ULK4: variants seen among roughly 807,000 people sequenced by gnomAD.
ULK4 encodes the protein unc-51 like kinase 4, also known as inactive serine/threonine-protein kinase ULK4.
A neutral mutation model predicts 160.6 loss-of-function variants in ULK4; 133 were observed. The observed-to-expected ratio is 0.83, with a 90% CI of 0.72 to 0.96. The LOEUF is 0.96. Among genes scored for constraint, ULK4 ranks in the 40% least tolerant of loss-of-function variants. ULK4 has a pLI of 0.00. For missense variants in ULK4, 1,580 were observed against 1,499.5 expected (o/e 1.05, Z -0.89); for synonymous variants, 534 against 539.8 (o/e 0.99, Z 0.15).
At chr3:41,691,031 A>G (rs2036278827) in intron 27 of ULK4, among the ~76,000 whole-genome samples, 1 of 151,738 alleles carries the variant, frequency 6.6e-6, no homozygotes, top group Non-Finnish European at 1.5e-5. Flanking sequence ...CAGTCTCCCT[A>G]GATAGAAACA....
chr3:41,722,145 A>G (rs931507849), intron 22 of ULK4, among the ~76,000 whole-genome samples: 5 of 152,138 alleles, frequency 3.3e-5, no homozygotes, highest in Non-Finnish European at 7.3e-5. Context: ...AATTCTCAGG[A>G]AACGGTAGCT....
chr3:41,605,524 T>C (rs1337588105), intron 31 of ULK4, among the ~76,000 whole-genome samples: 2 of 152,004 alleles, frequency 1.3e-5, no homozygotes, highest in Non-Finnish European at 2.9e-5. Flanking sequence ...CATCTCATAA[T>C]GATAAAGAGG....
chr3:41,375,205 T>G (rs1425793630), intron 35 of ULK4, among the ~76,000 whole-genome samples: 1 of 152,216 alleles, frequency 6.6e-6, no homozygotes, highest in Non-Finnish European at 1.5e-5. Flanking sequence ...ACAGCCATAC[T>G]GCCCAAAGTA....
chr3:41,937,035 C>T (rs761097724), intron 3 of ULK4: 8 of 321,290 alleles, frequency 2.5e-5, no homozygotes, highest in Non-Finnish European at 4.6e-5. Flanking sequence ...TATTAATACA[C>T]ACACATACTA....
rs149124544 is a variant in ULK4 at position 41,663,478 on chromosome 3, T to TA, written c.3071+128dup. 4,950 of 828,928 alleles carry TA rather than the reference T, an allele frequency of 6.0e-3. 156 individuals carry two copies. In the East Asian group the frequency reaches 0.075, roughly 13 times the overall value. The allele number at this position is 828,928 out of a possible 1,614,324, so 51.3% of individuals were successfully genotyped here. A position where few individuals can be genotyped will look rare whatever the true frequency, so the allele number is the denominator to read the frequency against. On this transcript the variant is annotated intron_variant, in intron 30 of 36. Coordinates refer to ENST00000301831, the MANE Select transcript of ULK4 (RefSeq NM_017886.4). ...GACAGATATTACAATCCATGAAACT[T>TA]AAAAAAATGACGATTTTGACAACTC...
At chr3:41,802,472 A>T (rs911754571) in intron 19 of ULK4, among the ~76,000 whole-genome samples, 2 of 151,824 alleles carry the variant, frequency 1.3e-5, no homozygotes, top group African/African-American at 2.4e-5. Flanking sequence ...AATTTTTTTT[A>T]TTTTTTAACA....
chr3:41,796,855 A>T (rs1051662973), intron 20 of ULK4, among the ~76,000 whole-genome samples: 1 of 152,182 alleles, frequency 6.6e-6, no homozygotes, highest in African/African-American at 2.4e-5. Flanking sequence ...ATTGATTCCA[A>T]GGCTGGCACA....
intron 35 of ULK4, among the ~76,000 whole-genome samples, chr3:41,323,391 A>AACACACACACACACAC (rs34357899): frequency 4.1e-4 from 49 of 120,316 alleles, no homozygotes; most frequent in East Asian, 1.8e-3. Flanking sequence ...CCTGAACAAT[A>AACACACACACACACAC]ACACACACAC....
At chr3:41,554,205 A>C (rs1032210222) in intron 32 of ULK4, among the ~76,000 whole-genome samples, 5 of 152,184 alleles carry the variant, frequency 3.3e-5, no homozygotes, top group South Asian at 2.1e-4. Context: ...AAATCAGTAT[A>C]TCAAAAGGAT....
chr3:41,688,372 A>G (rs1307189159), intron 27 of ULK4, among the ~76,000 whole-genome samples: 1 of 152,174 alleles, frequency 6.6e-6, no homozygotes, highest in Non-Finnish European at 1.5e-5. Flanking sequence ...TGAGCCACAT[A>G]GTGGAACCCC....
chr3:41,654,776 AC>A (rs1227571925), intron 30 of ULK4, among the ~76,000 whole-genome samples: 1 of 152,232 alleles, frequency 6.6e-6, no homozygotes, highest in African/African-American at 2.4e-5. Flanking sequence ...AGCTACAGTT[AC>A]AAAAAGAAGA....
chr3:41,741,809 A>T (rs1057385768), intron 22 of ULK4, among the ~76,000 whole-genome samples: 2 of 151,914 alleles, frequency 1.3e-5, no homozygotes, highest in African/African-American at 2.4e-5. Flanking sequence ...ATCAAAACAA[A>T]CACAGGAAGA....
intron 32 of ULK4, among the ~76,000 whole-genome samples, chr3:41,539,387 C>A (rs545248842): frequency 6.6e-6 from 1 of 152,134 alleles, no homozygotes; most frequent in Non-Finnish European, 1.5e-5. Context: ...GTACCACCTA[C>A]TTGCTCTCCC....
At chr3:41,833,669 T>G (rs1320354443) in intron 18 of ULK4, among the ~76,000 whole-genome samples, 2 of 152,080 alleles carry the variant, frequency 1.3e-5, no homozygotes, top group African/African-American at 4.8e-5. Context: ...TGTCTACTGT[T>G]GATGTATAGG....
At position 41,780,388 on chromosome 3, in the gene ULK4, TA is replaced by T. The variant is rs200510472; in HGVS notation, c.2193+9272del. On this transcript the variant is annotated intron_variant, in intron 21 of 36. Transcript: ENST00000301831. ...AATATAAAAATTTATATTAAAAATA[TA>T]AAAGATGTTATCTTTTATATTTTAG... Among the ~76,000 whole-genome samples, 1,020 of 151,900 alleles carry T rather than the reference TA, an allele frequency of 6.7e-3. 44 individuals are homozygous for T. The East Asian group carries it at 0.13, about 19-fold the overall frequency.
At chr3:41,940,871 CCTAT>C (rs1699930758) in intron 2 of ULK4, among the ~76,000 whole-genome samples, 1 of 151,932 alleles carries the variant, frequency 6.6e-6, no homozygotes, top group Admixed American at 6.6e-5. Flanking sequence ...GATGCAAAAG[CCTAT>C]CTGTTAAAAA....
At chr3:41,689,672 T>C (rs1223293503) in intron 27 of ULK4, among the ~76,000 whole-genome samples, 2 of 152,098 alleles carry the variant, frequency 1.3e-5, no homozygotes, top group Non-Finnish European at 2.9e-5. Context: ...TTTATGCAGC[T>C]AAAACACACA....
At chr3:41,558,568 G>A (rs906866957) in intron 32 of ULK4, among the ~76,000 whole-genome samples, 1 of 151,948 alleles carries the variant, frequency 6.6e-6, no homozygotes, top group African/African-American at 2.4e-5. Flanking sequence ...GCCGGGCATG[G>A]TGGTGGGCGA....
intron 22 of ULK4, among the ~76,000 whole-genome samples, chr3:41,745,225 A>C (rs899277564): frequency 6.6e-6 from 1 of 151,464 alleles, no homozygotes; most frequent in Non-Finnish European, 1.5e-5. Context: ...AAAACAGAAA[A>C]ATGATAGAGA....
Sources: gnomAD v4.1 joint callset for allele counts (sites outside exome capture counted in the v4.1 genomes callset) on GRCh38, gnomAD v4.1.1 for gene constraint, MANE v1.5 for transcripts, NCBI Gene and HGNC (gene_info 2026-07-23, HGNC 2026-07-21) for gene names.